Variants in ESYT2 observed in about 807,000 individuals in gnomAD.
The protein encoded by ESYT2 is extended synaptotagmin-2.
A neutral mutation model predicts 107.2 loss-of-function variants in ESYT2; 54 were observed. The ratio of observed to expected loss-of-function variants is 0.50; its 90% CI spans 0.40 to 0.63. The LOEUF (loss-of-function observed/expected upper bound fraction) is 0.63, where lower values mean the gene tolerates loss of function less well. Ranked by LOEUF, ESYT2 falls within the 30% of genes least tolerant of loss-of-function variation. The pLI is 0.00. For synonymous variants in ESYT2, 491 were observed against 434.1 expected, an observed-to-expected ratio of 1.13 and a Z score of -1.63; for missense variants, 1,020 against 1,094.5, an observed-to-expected ratio of 0.93 and a Z score of 0.96.
rs528454996 is a variant in ESYT2 at position 158,741,160 on chromosome 7, T to C, written c.2168+363A>G. ...CCTCACACAACGGGGAGGCCAGGGC[T>C]TCTCCAGTGGCCGCAGCGAGGCCCG... On this transcript the variant is annotated intron_variant, in intron 18 of 22. Transcript: ENST00000275418. Among the ~76,000 whole-genome samples, 3 of 152,232 alleles carry C rather than the reference T, an allele frequency of 2.0e-5. No homozygotes were observed. In the South Asian group the frequency reaches 6.2e-4, roughly 32 times the overall value.
chr7:158,816,400 C>G (rs1840149928), intron 1 of ESYT2, among the ~76,000 whole-genome samples: 1 of 152,132 alleles, frequency 6.6e-6, no homozygotes, highest in African/African-American at 2.4e-5. Context: ...AGAGATTTGA[C>G]AAAACAGAAA....
chr7:158,761,979 G>A (rs1205089695), intron 10 of ESYT2, among the ~76,000 whole-genome samples: 3 of 152,080 alleles, frequency 2.0e-5, no homozygotes, highest in Non-Finnish European at 2.9e-5. Context: ...GTGCGTTACT[G>A]TGGATTCCTC....
At chr7:158,793,815 C>T in intron 3 of ESYT2, 89 bp from the exon 4 acceptor site, 1 of 1,037,362 alleles carries the variant, frequency 9.6e-7, no homozygotes, top group Non-Finnish European at 1.4e-6. Flanking sequence ...ACAGAACAAG[C>T]TTTAAATTTC....
At chr7:158,756,914 T>TAA (rs201326042) in intron 13 of ESYT2, among the ~76,000 whole-genome samples, 1,414 of 98,550 alleles carry the variant, frequency 0.014, 30 homozygotes, top group African/African-American at 0.053. Flanking sequence ...CATCTCAAAT[T>TAA]AAAAAAAAAA....
chr7:158,782,543 G>GAA (rs397799617), intron 6 of ESYT2, among the ~76,000 whole-genome samples: 36 of 120,188 alleles, frequency 3.0e-4, no homozygotes, highest in Non-Finnish European at 3.5e-4. Flanking sequence ...AAGAAAATGA[G>GAA]TGTGAGAAGC....
intron 9 of ESYT2, among the ~76,000 whole-genome samples, 182 bp from the exon 10 acceptor site, chr7:158,763,347 T>G (rs1274778707): frequency 6.6e-6 from 1 of 152,102 alleles, no homozygotes. Flanking sequence ...CAGGTTGGAG[T>G]GCAGTGGCAC....
chr7:158,811,411 C>T (rs1395522887), intron 1 of ESYT2, among the ~76,000 whole-genome samples: 1 of 152,220 alleles, frequency 6.6e-6, no homozygotes, highest in Non-Finnish European at 1.5e-5. Flanking sequence ...CATGGCTCAG[C>T]TCAGTGATAA....
At chr7:158,736,545 CCT>C (rs1313680393) in intron 20 of ESYT2, among the ~76,000 whole-genome samples, 2 of 152,086 alleles carry the variant, frequency 1.3e-5, no homozygotes, top group Non-Finnish European at 1.5e-5. Context: ...GGCTCCAGCC[CCT>C]CTTGAGCCAG....
At chr7:158,775,174 C>T (rs1838512230) in intron 6 of ESYT2, among the ~76,000 whole-genome samples, 1 of 152,034 alleles carries the variant, frequency 6.6e-6, no homozygotes, top group South Asian at 2.1e-4. Context: ...ATGTACATAC[C>T]TTTATTTTAA....
intron 10 of ESYT2, among the ~76,000 whole-genome samples, chr7:158,761,800 G>A (rs1280843335): frequency 6.6e-6 from 1 of 152,108 alleles, no homozygotes; most frequent in Non-Finnish European, 1.5e-5. Flanking sequence ...TCAGAATACT[G>A]AGTTTGGCCC....
intron 1 of ESYT2, among the ~76,000 whole-genome samples, chr7:158,828,084 C>G (rs1040574881): frequency 1.3e-5 from 2 of 152,186 alleles, no homozygotes; most frequent in Admixed American, 6.5e-5. Context: ...TCAGGTCGAT[C>G]CCATATAAAA....
At chr7:158,738,995 A>G (rs1285892517) in intron 19 of ESYT2, 28 bp downstream of exon 19, 1 of 1,604,338 alleles carries the variant, frequency 6.2e-7, no homozygotes, top group African/African-American at 1.3e-5. Flanking sequence ...GCAGCACAGC[A>G]GCGGGCGCGT....
At chr7:158,767,567 A>G (rs1300364473) in intron 8 of ESYT2, 87 bp downstream of exon 8, 2 of 1,527,238 alleles carry the variant, frequency 1.3e-6, no homozygotes, top group East Asian at 2.3e-5. Flanking sequence ...GGGAGAGACA[A>G]AGAGTCACAG....
chr7:158,770,766 C>T (rs540658362), intron 7 of ESYT2, among the ~76,000 whole-genome samples: 3 of 152,258 alleles, frequency 2.0e-5, no homozygotes, highest in East Asian at 1.9e-4. Context: ...CCACCTGCCT[C>T]GGCCTCCCAA....
rs1015517335 is a variant in ESYT2 at position 158,731,254 on chromosome 7, T to C, written c.*2953A>G. ...AAAGAATGTCTGTAAAAGGAATTCT[T>C]ACCGTGCAGAATATATTATCATGGT... On this transcript the variant is annotated 3_prime_UTR_variant, in exon 23 of 23. Coordinates refer to ENST00000275418, the MANE Select transcript of ESYT2 (RefSeq NM_001367773.1). 1 of 152,234 alleles carries C rather than the reference T, an allele frequency of 6.6e-6. No individual in the cohort carries two copies. The highest frequency in any genetic ancestry group is 1.5e-5 in the Non-Finnish European group (1 of 68,044). 9.4% of individuals were successfully genotyped at this position (152,234 alleles called of 1,614,324 possible). A position where few individuals can be genotyped will look rare whatever the true frequency, so the allele number is the denominator to read the frequency against.
Position 158,735,583 on chromosome 7 carries a change from C to G in ESYT2, c.2425G>C (p.Glu809Gln), listed in dbSNP as rs200950596. ...QSFDFSVSLP[E>Q]VQRRTLDVAV... ...ACGTCGAGCGTTCTCCTCTGCACTT[C>G]TGGTAACGAAACACTGAAATCAAAG... Residue 809 changes from glutamate to glutamine, a missense_variant, in exon 21 of 23, where the codon GAA becomes CAA. Glu to Gln is a conservative substitution (Grantham distance 29, BLOSUM62 2). Coordinates refer to ENST00000275418, the MANE Select transcript of ESYT2 (RefSeq NM_001367773.1). The G allele has an allele frequency of 2.7e-5, 44 of 1,613,934 alleles. No individual in the cohort carries two copies. Among genetic ancestry groups the G allele is most frequent in the Middle Eastern group, 3.3e-4 (2 of 6,060 alleles).
chr7:158,805,824 G>A lies in ESYT2; in HGVS notation c.331-6752C>T, dbSNP rs538017338. On this transcript the variant is annotated intron_variant, in intron 1 of 22. Coordinates refer to ENST00000275418, the MANE Select transcript of ESYT2 (RefSeq NM_001367773.1). ...ACTAATATCCCTGAAGTTTTTAACTGAGACCACAGGTAGTGATCATGGTCA... is the reference window on the plus strand; with the variant it reads ...ACTAATATCCCTGAAGTTTTTAACTAAGACCACAGGTAGTGATCATGGTCA... 1.4e-3 allele frequency among the ~76,000 whole-genome samples: 220 copies of A among 152,324 alleles called. 1 individual carries two copies. Among genetic ancestry groups the A allele is most frequent in the Non-Finnish European group, 2.0e-3 (139 of 68,034 alleles).
At chr7:158,784,459 G>A (rs1403982269) in intron 6 of ESYT2, among the ~76,000 whole-genome samples, 1 of 152,250 alleles carries the variant, frequency 6.6e-6, no homozygotes, top group African/African-American at 2.4e-5. Flanking sequence ...GCCAAAGGGA[G>A]AGGCCAAGGA....
In ESYT2 at chr7:158,751,930, C is replaced by T. The variant is rs1837600786; in HGVS notation, c.1482+851G>A. On this transcript the variant is annotated intron_variant, in intron 14 of 22. Coordinates refer to ENST00000275418, the MANE Select transcript of ESYT2 (RefSeq NM_001367773.1). Reference sequence around the variant, plus strand: ...TAACTAGTACTCCACAGGAGTAACCCCTAGTAACCCACAACTTATCTCCTT... The same window carrying T: ...TAACTAGTACTCCACAGGAGTAACCTCTAGTAACCCACAACTTATCTCCTT... 1.3e-5 allele frequency among the ~76,000 whole-genome samples: 2 copies of T among 152,148 alleles called. 1 individual carries two copies. The highest frequency in any genetic ancestry group is 4.8e-5 in the African/African-American group (2 of 41,428).
Sources: allele counts gnomAD v4.1 joint callset (sites outside exome capture counted in the v4.1 genomes callset), GRCh38; gene constraint gnomAD v4.1.1; transcripts MANE v1.5; gene names NCBI Gene and HGNC (gene_info 2026-07-23, HGNC 2026-07-21).